Variants in LYRM4 observed in about 807,000 individuals in gnomAD.
LYRM4 encodes LYR motif-containing protein 4.
A neutral mutation model predicts 11.7 loss-of-function variants in LYRM4; 9 were observed. That is an observed-to-expected ratio of 0.77 (90% CI 0.46 to 1.34). The LOEUF (loss-of-function observed/expected upper bound fraction) is 1.34. Among genes scored for constraint, LYRM4 ranks in the 40% most tolerant of loss-of-function variants. The pLI is 0.00. For synonymous variants in LYRM4, 42 were observed against 40.4 expected (o/e 1.04, Z -0.15); for missense variants, 133 against 112.5 (o/e 1.18, Z -0.82).
intron 2 of LYRM4, among the ~76,000 whole-genome samples, chr6:5,146,443 T>C (rs535306786): frequency 6.6e-6 from 1 of 152,200 alleles, no homozygotes; most frequent in African/African-American, 2.4e-5. Flanking sequence ...TATTATACTT[T>C]TGTGCAGTCC....
intron 2 of LYRM4, among the ~76,000 whole-genome samples, chr6:5,141,749 C>A (rs560286772): frequency 6.6e-6 from 1 of 152,144 alleles, no homozygotes; most frequent in Non-Finnish European, 1.5e-5. Flanking sequence ...TTTACCCCCC[C>A]ACCAAACTGA....
chr6:5,182,207 G>GT (rs1760117670), intron 2 of LYRM4, among the ~76,000 whole-genome samples: 1 of 152,104 alleles, frequency 6.6e-6, no homozygotes, highest in African/African-American at 2.4e-5. Flanking sequence ...ATTAATTAAT[G>GT]TGACATTTCT....
At chr6:5,187,519 C>T (rs1002181918) in intron 2 of LYRM4, among the ~76,000 whole-genome samples, 16 of 152,142 alleles carry the variant, frequency 1.1e-4, no homozygotes, top group Admixed American at 5.9e-4. Flanking sequence ...AACCAAACAC[C>T]GCATGTTCTT....
At chr6:5,241,329 TAATTCACTCTG>T (rs1219060802) in intron 1 of LYRM4, among the ~76,000 whole-genome samples, 1 of 152,238 alleles carries the variant, frequency 6.6e-6, no homozygotes, top group Non-Finnish European at 1.5e-5. Context: ...CAATCAATGT[TAATTCACTCTG>T]AAGCTACCTT....
At chr6:5,245,175 A>C (rs1764139759) in intron 1 of LYRM4, among the ~76,000 whole-genome samples, 2 of 108,658 alleles carry the variant, frequency 1.8e-5, no homozygotes, top group African/African-American at 3.2e-5. Context: ...AAATAGGTGA[A>C]TTTCTGGAAC....
intron 1 of LYRM4, among the ~76,000 whole-genome samples, chr6:5,227,722 T>A (rs141811850): frequency 6.6e-6 from 1 of 152,126 alleles, no homozygotes; most frequent in African/African-American, 2.4e-5. Context: ...TAGCAAAGAC[T>A]TGGAACCAAC....
intron 2 of LYRM4, among the ~76,000 whole-genome samples, chr6:5,170,292 A>G (rs1319745452): frequency 6.6e-6 from 1 of 152,228 alleles, no homozygotes; most frequent in Non-Finnish European, 1.5e-5. Context: ...TCATTAGGAA[A>G]TAGCTAGAAA....
At chr6:5,085,276 G>A in the LYRM4 span, 5 of 494,346 alleles carry the variant, frequency 1.0e-5, no homozygotes, top group South Asian at 1.0e-4. Context: ...CCCCAGGCCC[G>A]CATCCTCCTC....
the LYRM4 span, among the ~76,000 whole-genome samples, chr6:5,049,724 C>G: frequency 1.3e-5 from 2 of 150,264 alleles, no homozygotes; most frequent in Non-Finnish European, 2.9e-5. Flanking sequence ...GACTGGAGTG[C>G]ATTGGTGCAA....
chr6:5,169,452 C>T (rs753417567), intron 2 of LYRM4, among the ~76,000 whole-genome samples: 1 of 152,126 alleles, frequency 6.6e-6, no homozygotes, highest in East Asian at 1.9e-4. Flanking sequence ...CTTTAAATGA[C>T]GGCCAAGAGT....
chr6:5,131,467 A>G (rs1763949503), intron 2 of LYRM4, among the ~76,000 whole-genome samples: 2 of 152,242 alleles, frequency 1.3e-5, no homozygotes, highest in African/African-American at 4.8e-5. Flanking sequence ...TGGGAGGTAA[A>G]GGCAGGAGGA....
intron 2 of LYRM4, chr6:5,138,781 G>A: frequency 7.0e-7 from 1 of 1,426,672 alleles, no homozygotes; most frequent in Non-Finnish European, 9.5e-7. Context: ...AAGAGTAACA[G>A]TTAACAGAAA....
chr6:5,163,671 T>G (rs1035511627), intron 2 of LYRM4, among the ~76,000 whole-genome samples: 3 of 149,242 alleles, frequency 2.0e-5, no homozygotes, highest in African/African-American at 7.4e-5. Flanking sequence ...CAGGCTAGAG[T>G]GGCACGATCT....
At chr6:5,169,581 A>G (rs1759296789) in intron 2 of LYRM4, among the ~76,000 whole-genome samples, 1 of 152,168 alleles carries the variant, frequency 6.6e-6, no homozygotes, top group Non-Finnish European at 1.5e-5. Flanking sequence ...GAATAATGAG[A>G]ATGAGAGTAG....
the LYRM4 span, chr6:5,066,356 T>C: frequency 1.4e-6 from 1 of 725,772 alleles, no homozygotes; most frequent in South Asian, 1.4e-5. Context: ...GAATACGTCA[T>C]ATGCAGGTTT....
At chr6:5,165,231 T>G (rs1420553921) in intron 2 of LYRM4, among the ~76,000 whole-genome samples, 2 of 152,214 alleles carry the variant, frequency 1.3e-5, no homozygotes, top group Non-Finnish European at 2.9e-5. Context: ...AAATGATCAC[T>G]TATTGTTCCT....
intron 2 of LYRM4, among the ~76,000 whole-genome samples, chr6:5,181,299 C>T (rs1244912818): frequency 6.6e-6 from 1 of 152,168 alleles, no homozygotes; most frequent in Non-Finnish European, 1.5e-5. Context: ...TTTTCTTCCA[C>T]GATGTATCGA....
At chr6:5,181,311 G>A (rs1760059422) in intron 2 of LYRM4, among the ~76,000 whole-genome samples, 1 of 152,102 alleles carries the variant, frequency 6.6e-6, no homozygotes, top group South Asian at 2.1e-4. Context: ...ATGTATCGAG[G>A]ACTCACGTAG....
At chr6:5,158,907 G>C (rs1335751204) in intron 2 of LYRM4, among the ~76,000 whole-genome samples, 1 of 152,192 alleles carries the variant, frequency 6.6e-6, no homozygotes, top group African/African-American at 2.4e-5. Context: ...CAGTTTGAGA[G>C]GGAGTATTTT....
Sources: gnomAD v4.1 joint callset for allele counts (sites outside exome capture counted in the v4.1 genomes callset) on GRCh38, gnomAD v4.1.1 for gene constraint, MANE v1.5 for transcripts, NCBI Gene and HGNC (gene_info 2026-07-23, HGNC 2026-07-21) for gene names.